LYRM4: variants seen among roughly 807,000 people sequenced by gnomAD.
LYRM4 encodes the protein LYR motif containing 4.
Under a neutral mutation model 11.7 loss-of-function variants are expected in LYRM4, and 9 were observed. The ratio of observed to expected loss-of-function variants is 0.77; its 90% CI spans 0.46 to 1.34. The LOEUF is 1.34. Among genes scored for constraint, LYRM4 ranks in the 40% most tolerant of loss-of-function variants. The pLI is 0.00. For missense variants in LYRM4, 133 were observed against 112.5 expected, an observed-to-expected ratio of 1.18 and a Z score of -0.82; for synonymous variants, 42 against 40.4, an observed-to-expected ratio of 1.04 and a Z score of -0.15.
intron 1 of LYRM4, among the ~76,000 whole-genome samples, chr6:5,232,780 TGA>T (rs1252805036): frequency 6.6e-6 from 1 of 152,240 alleles, no homozygotes; most frequent in African/African-American, 2.4e-5. Flanking sequence ...AATCCAAGGC[TGA>T]GTTTTCTATA....
chr6:5,086,242 A>G, the LYRM4 span: 1 of 1,535,218 alleles, frequency 6.5e-7, no homozygotes, highest in Admixed American at 2.0e-5. Flanking sequence ...CGTGCGCTAC[A>G]CCTTTACCGA....
chr6:5,146,415 T>A (rs1306361785), intron 2 of LYRM4, among the ~76,000 whole-genome samples: 1 of 151,968 alleles, frequency 6.6e-6, no homozygotes, highest in Non-Finnish European at 1.5e-5. Flanking sequence ...AAAACAGAAA[T>A]GCCGAGAAGT....
intron 1 of LYRM4, among the ~76,000 whole-genome samples, chr6:5,239,452 C>T (rs1420454129): frequency 1.3e-5 from 2 of 151,980 alleles, no homozygotes; most frequent in Non-Finnish European, 2.9e-5. Flanking sequence ...AGGGGAATCA[C>T]TAGAGCACAC....
rs1037893938 is a variant in LYRM4 at position 5,218,162 on chromosome 6, A to C, written c.87-1424T>G. On this transcript the variant is annotated intron_variant, in intron 1 of 2. Coordinates refer to ENST00000330636, the MANE Select transcript of LYRM4 (RefSeq NM_020408.6). The stretch of plus-strand genomic sequence containing the variant: ...GCTCAAGCTATCCTCCTGCCTTAGC[A>C]TCTCAAGGAGCTAGGATTACAAGCA... The C allele has an allele frequency of 4.7e-5, 36 of 773,596 alleles. No homozygotes were observed. The African/African-American group carries it at 6.4e-4, about 14-fold the overall frequency. The allele number at this position is 773,596 out of a possible 1,614,324, so 47.9% of individuals were successfully genotyped here. A position where few individuals can be genotyped will look rare whatever the true frequency, so the allele number is the denominator to read the frequency against.
the LYRM4 span, among the ~76,000 whole-genome samples, chr6:5,074,099 C>A: frequency 6.6e-6 from 1 of 152,208 alleles, no homozygotes; most frequent in Non-Finnish European, 1.5e-5. Flanking sequence ...ACCTGCCCCC[C>A]ATCTGGATCC....
the LYRM4 span, among the ~76,000 whole-genome samples, chr6:5,095,859 C>T: frequency 2.0e-5 from 3 of 152,010 alleles, no homozygotes; most frequent in Non-Finnish European, 2.9e-5. Context: ...TCACCCCTGC[C>T]GTCCCAGCTA....
intron 2 of LYRM4, among the ~76,000 whole-genome samples, chr6:5,201,393 A>G (rs1041170264): frequency 6.6e-6 from 1 of 152,154 alleles, no homozygotes; most frequent in African/African-American, 2.4e-5. Flanking sequence ...AAACATACCA[A>G]TGCATCAAAT....
At chr6:5,160,751 A>G (rs1048202062) in intron 2 of LYRM4, among the ~76,000 whole-genome samples, 2 of 152,004 alleles carry the variant, frequency 1.3e-5, no homozygotes, top group African/African-American at 4.8e-5. Context: ...ATGAACTAAT[A>G]CACCAGGTAG....
chr6:5,132,233 T>C (rs1763989429), intron 2 of LYRM4, among the ~76,000 whole-genome samples: 1 of 152,250 alleles, frequency 6.6e-6, no homozygotes, highest in Admixed American at 6.5e-5. Context: ...CATGCTTTAC[T>C]TAGTTTCTCA....
At chr6:5,259,864 T>G (rs1032790276) in intron 1 of LYRM4, among the ~76,000 whole-genome samples, 1 of 151,852 alleles carries the variant, frequency 6.6e-6, no homozygotes, top group Non-Finnish European at 1.5e-5. Context: ...AAGAAAATGA[T>G]GGGTCAGAAC....
At chr6:5,162,498 C>CGAGAGAGAGAGAGA (rs368959129) in intron 2 of LYRM4, among the ~76,000 whole-genome samples, 4 of 148,596 alleles carry the variant, frequency 2.7e-5, no homozygotes, top group Admixed American at 6.7e-5. Context: ...AGAGAGCGAG[C>CGAGAGAGAGAGAGA]GAGAGAGAGA....
the LYRM4 span, among the ~76,000 whole-genome samples, chr6:5,068,728 A>G: frequency 3.3e-5 from 5 of 152,210 alleles, no homozygotes; most frequent in African/African-American, 9.7e-5. The surrounding 1 kb of genome is among the most constrained non-coding windows in gnomAD (Gnocchi z 4.0). Context: ...CGGCATGCAT[A>G]CATATGTAAC....
At chr6:5,228,880 T>G (rs1344526981) in intron 1 of LYRM4, among the ~76,000 whole-genome samples, 1 of 151,004 alleles carries the variant, frequency 6.6e-6, no homozygotes, top group Non-Finnish European at 1.5e-5. Context: ...GGCGGGCACC[T>G]GTAGTCCCAG....
chr6:5,066,934 A>G, the LYRM4 span: 2 of 1,112,218 alleles, frequency 1.8e-6, no homozygotes, highest in South Asian at 4.5e-5. Context: ...GCGCCCCCCA[A>G]GGCGGAGAGC....
At chr6:5,145,755 G>A (rs1007301553) in intron 2 of LYRM4, among the ~76,000 whole-genome samples, 3 of 152,114 alleles carry the variant, frequency 2.0e-5, no homozygotes, top group Non-Finnish European at 2.9e-5. Flanking sequence ...CCCACTTCAC[G>A]TGGTCTTATT....
downstream of LYRM4, among the ~76,000 whole-genome samples, chr6:5,100,791 G>C (rs1229341662): frequency 6.6e-6 from 1 of 152,190 alleles, no homozygotes; most frequent in East Asian, 1.9e-4. Context: ...TCTTATTTCA[G>C]TGAGGGGCAG....
chr6:5,051,426 A>G, the LYRM4 span, among the ~76,000 whole-genome samples: 2 of 152,212 alleles, frequency 1.3e-5, no homozygotes, highest in East Asian at 3.8e-4. Context: ...AACAAGAAAG[A>G]AATGACTCAT....
At chr6:5,051,586 A>G in the LYRM4 span, among the ~76,000 whole-genome samples, 2 of 152,382 alleles carry the variant, frequency 1.3e-5, no homozygotes, top group East Asian at 3.9e-4. Context: ...TGTTATATCC[A>G]GCAAAACTAT....
chr6:5,078,536 C>T, the LYRM4 span, among the ~76,000 whole-genome samples: 1 of 152,114 alleles, frequency 6.6e-6, no homozygotes, highest in South Asian at 2.1e-4. Flanking sequence ...TCATTCTAGT[C>T]CTGGCTCTTC....
Sources: allele counts gnomAD v4.1 joint callset (sites outside exome capture counted in the v4.1 genomes callset), GRCh38; gene constraint gnomAD v4.1.1; non-coding constraint Gnocchi (gnomAD v3.1); transcripts MANE v1.5; gene names NCBI Gene and HGNC (gene_info 2026-07-23, HGNC 2026-07-21).